MYO5A: variants seen among roughly 807,000 people sequenced by gnomAD.
The protein encoded by MYO5A is unconventional myosin-Va.
In MYO5A, 98 loss-of-function variants were observed where a neutral mutation model predicts 249.7. That is an observed-to-expected ratio of 0.39 (90% CI 0.33 to 0.46). The LOEUF is 0.46. Ranked by LOEUF, MYO5A falls within the 20% of genes least tolerant of loss-of-function variation. MYO5A has a pLI of 0.98. For missense variants in MYO5A, 1,696 were observed against 2,308.8 expected, an observed-to-expected ratio of 0.73 and a Z score of 5.44; for synonymous variants, 778 against 810.6, an observed-to-expected ratio of 0.96 and a Z score of 0.68.
chr15:52,432,575 CT>C (rs1216592074), intron 2 of MYO5A, among the ~76,000 whole-genome samples: 1 of 152,198 alleles, frequency 6.6e-6, no homozygotes, highest in Non-Finnish European at 1.5e-5. Context: ...GTTTGGCTTT[CT>C]TATTTGGAAA....
In MYO5A at chr15:52,432,783, C is replaced by G. The variant is rs2075569926; in HGVS notation, c.138+392G>C. On this transcript the variant is annotated intron_variant, in intron 2 of 41. Transcript: ENST00000399233. Reference sequence around the variant, plus strand: ...CCGCCTTCCTCCCAACTAGTATCTTCCCCTCAGTTTTGCTCTCCATGCTGC... The same window carrying G: ...CCGCCTTCCTCCCAACTAGTATCTTGCCCTCAGTTTTGCTCTCCATGCTGC... Among the ~76,000 whole-genome samples the G allele has an allele frequency of 3.3e-5, 5 of 152,160 alleles. No individual in the cohort carries two copies. In the South Asian group the frequency reaches 1.0e-3, roughly 31 times the overall value.
At chr15:52,393,068 C>G (rs578063425) in intron 11 of MYO5A, among the ~76,000 whole-genome samples, 4 of 152,290 alleles carry the variant, frequency 2.6e-5, no homozygotes, top group African/African-American at 9.6e-5. Flanking sequence ...TGCTGCCCAG[C>G]CACTGCCCAG....
chr15:52,522,484 AATTGCTCACATAAT>A (rs1464073435), intron 1 of MYO5A, among the ~76,000 whole-genome samples: 4 of 152,144 alleles, frequency 2.6e-5, no homozygotes, highest in Non-Finnish European at 5.9e-5. Context: ...GAAGAAGTGG[AATTGCTCACATAAT>A]ATTTTGTCTA....
chr15:52,498,192 C>A (rs1341715691), intron 1 of MYO5A, among the ~76,000 whole-genome samples: 1 of 152,108 alleles, frequency 6.6e-6, no homozygotes. Flanking sequence ...AATTATAAAA[C>A]ACTAGTTTGT....
chr15:52,453,456 GA>G (rs1253562902), intron 1 of MYO5A, among the ~76,000 whole-genome samples: 1 of 149,332 alleles, frequency 6.7e-6, no homozygotes, highest in African/African-American at 2.5e-5. Flanking sequence ...TGTGGAAGAA[GA>G]AAAAAAAAGC....
intron 35 of MYO5A, among the ~76,000 whole-genome samples, chr15:52,330,073 C>T (rs756642718): frequency 6.7e-6 from 1 of 150,294 alleles, no homozygotes; most frequent in African/African-American, 2.5e-5. Flanking sequence ...GAGAGAGATA[C>T]ATCAGTATGG....
chr15:52,507,037 T>C (rs1054112109), intron 1 of MYO5A, among the ~76,000 whole-genome samples: 9 of 152,318 alleles, frequency 5.9e-5, no homozygotes, highest in African/African-American at 1.9e-4. Flanking sequence ...GCTACTTTTT[T>C]TTCCCCCTGT....
intron 20 of MYO5A, among the ~76,000 whole-genome samples, chr15:52,374,297 A>G (rs2041286542): frequency 6.6e-6 from 1 of 152,244 alleles, no homozygotes; most frequent in African/African-American, 2.4e-5. Context: ...CATTAATGTT[A>G]TAATTTGCCT....
chr15:52,326,672 T>TAG (rs1288776492), intron 36 of MYO5A, among the ~76,000 whole-genome samples: 1 of 152,248 alleles, frequency 6.6e-6, no homozygotes, highest in Non-Finnish European at 1.5e-5. Context: ...TAATGCCACG[T>TAG]AACTGTACAC....
intron 4 of MYO5A, among the ~76,000 whole-genome samples, chr15:52,423,396 C>G (rs1337129617): frequency 1.3e-5 from 2 of 151,582 alleles, no homozygotes; most frequent in African/African-American, 4.9e-5. Flanking sequence ...ACTAAAAATA[C>G]AAAAAATTAG....
At chr15:52,359,039 A>T (rs1184893196) in intron 25 of MYO5A, among the ~76,000 whole-genome samples, 2 of 152,234 alleles carry the variant, frequency 1.3e-5, no homozygotes, top group Non-Finnish European at 2.9e-5. Context: ...TCTACCATTT[A>T]TAAGCTGTGA....
chr15:52,314,284 A>ATC, intron 40 of MYO5A, 81 bp from the exon 41 acceptor site: 1 of 1,032,402 alleles, frequency 9.7e-7, no homozygotes, highest in East Asian at 2.4e-5. Context: ...AATTAAAAGG[A>ATC]TCTGTGCGTA....
chr15:52,314,110 T>C lies in MYO5A; in HGVS notation c.5490+13A>G. The C allele has an allele frequency of 4.4e-6, 7 of 1,584,640 alleles. No homozygotes were observed. The highest frequency in any genetic ancestry group is 6.1e-6 in the Non-Finnish European group (7 of 1,154,080). ...TGTGTTGGTGAATCAAAGAAGAAGA[T>C]GGGAGCTCTTACCTGTATAGTACGA... On this transcript the variant is annotated intron_variant, in intron 41 of 41. Coordinates refer to ENST00000399233, the MANE Select transcript of MYO5A (RefSeq NM_001382347.1).
intron 1 of MYO5A, among the ~76,000 whole-genome samples, chr15:52,509,305 GCATCCT>G (rs1280001759): frequency 6.6e-6 from 1 of 152,146 alleles, no homozygotes; most frequent in Non-Finnish European, 1.5e-5. Context: ...CTCAAAGGCA[GCATCCT>G]CATATTGGGT....
rs200299956 is a variant in MYO5A, at chr15:52,376,520, A to G, written c.2247T>C (p.Phe749=). The stretch of plus-strand genomic sequence containing the variant: ...GATAGGCCACTTGACCGGCACGGAA[A>G]AAGATCTTTGTCTTACCAAACTGGT... ...DKYQFGKTKI[F]FRAGQVAYLE... The change falls in exon 19 of 42, where the codon TTT becomes TTC. Residue 749 remains phenylalanine, a synonymous_variant. Coordinates refer to ENST00000399233, the MANE Select transcript of MYO5A (RefSeq NM_001382347.1). 4 of 1,614,206 alleles carry G rather than the reference A, an allele frequency of 2.5e-6. No individual in the cohort carries two copies. The Admixed American group carries it at 5.0e-5, about 20-fold the overall frequency.
chr15:52,423,433 T>C (rs1480860989), intron 4 of MYO5A, among the ~76,000 whole-genome samples: 1 of 151,886 alleles, frequency 6.6e-6, no homozygotes, highest in Non-Finnish European at 1.5e-5. Flanking sequence ...GTGCCTGTAG[T>C]CCCAGCTACT....
chr15:52,409,980 C>T (rs1488471327), intron 6 of MYO5A, among the ~76,000 whole-genome samples: 2 of 152,004 alleles, frequency 1.3e-5, no homozygotes, highest in African/African-American at 4.8e-5. Flanking sequence ...TTTTCTTGCA[C>T]TGAGTTCAAA....
intron 1 of MYO5A, among the ~76,000 whole-genome samples, chr15:52,526,425 G>C (rs574103110): frequency 1.3e-5 from 2 of 152,022 alleles, no homozygotes; most frequent in Middle Eastern, 3.4e-3. Flanking sequence ...CCAGGCTCGC[G>C]ATCTTGGTTC....
At chr15:52,334,358 T>C (rs2039020844) in intron 34 of MYO5A, among the ~76,000 whole-genome samples, 1 of 152,246 alleles carries the variant, frequency 6.6e-6, no homozygotes, top group African/African-American at 2.4e-5. Context: ...AATACTCTGC[T>C]GTCTGATTAT....
Sources: allele counts gnomAD v4.1 joint callset (sites outside exome capture counted in the v4.1 genomes callset), GRCh38; gene constraint gnomAD v4.1.1; transcripts MANE v1.5; gene names NCBI Gene and HGNC (gene_info 2026-07-23, HGNC 2026-07-21).